Variants in MALRD1 observed in about 807,000 individuals in gnomAD.
MALRD1 encodes MAM and LDL-receptor class A domain-containing protein 1.
A neutral mutation model predicts 242.1 loss-of-function variants in MALRD1; 247 were observed. That is an observed-to-expected ratio of 1.02 (90% CI 0.92 to 1.13). MALRD1 has a LOEUF of 1.13. MALRD1 is among the 50% of genes most tolerant of loss of function. MALRD1 has a pLI of 0.00. For missense variants in MALRD1, 2,989 were observed against 2,533.1 expected, an observed-to-expected ratio of 1.18 and a Z score of -3.86; for synonymous variants, 995 against 866.6, an observed-to-expected ratio of 1.15 and a Z score of -2.60.
chr10:19,493,645 T>TAAA (rs758905906), intron 30 of MALRD1, among the ~76,000 whole-genome samples: 4 of 122,050 alleles, frequency 3.3e-5, no homozygotes, highest in Admixed American at 8.6e-5. Flanking sequence ...CCGTCTCTAC[T>TAAA]AAAAAAAAAA....
intron 10 of MALRD1, 55 bp downstream of exon 10, chr10:19,136,836 G>A (rs993927543): frequency 8.7e-7 from 1 of 1,146,384 alleles, no homozygotes; most frequent in African/African-American, 1.6e-5. Context: ...ACTGTTAGTT[G>A]GATTTAAAAC....
At chr10:19,237,713 T>G (rs1469588056) in intron 18 of MALRD1, among the ~76,000 whole-genome samples, 2 of 114,472 alleles carry the variant, frequency 1.7e-5, no homozygotes, top group East Asian at 4.5e-4. Flanking sequence ...TATATATATA[T>G]TTATATATAA....
chr10:19,328,677 G>C (rs1441778133), intron 23 of MALRD1, among the ~76,000 whole-genome samples: 1 of 152,030 alleles, frequency 6.6e-6, no homozygotes, highest in Non-Finnish European at 1.5e-5. Flanking sequence ...CCAATTTCTT[G>C]GAATGATAGG....
chr10:19,211,319 T>TA (rs934380399), intron 18 of MALRD1, among the ~76,000 whole-genome samples: 1 of 151,850 alleles, frequency 6.6e-6, no homozygotes, highest in Non-Finnish European at 1.5e-5. Context: ...CCTTTTAGTC[T>TA]AAAAAAATAA....
chr10:19,666,965 C>G (rs1170668022), intron 36 of MALRD1, among the ~76,000 whole-genome samples: 3 of 152,132 alleles, frequency 2.0e-5, no homozygotes, highest in African/African-American at 4.8e-5. Context: ...ATTCACTTTA[C>G]AGACACCCTA....
chr10:19,670,448 T>C (rs1841866490), intron 36 of MALRD1, among the ~76,000 whole-genome samples: 1 of 152,196 alleles, frequency 6.6e-6, no homozygotes, highest in African/African-American at 2.4e-5. Context: ...GGTCTTGCTC[T>C]CTTTTTCAGA....
chr10:19,596,893 G>A (rs534809636), intron 34 of MALRD1, among the ~76,000 whole-genome samples: 3 of 151,456 alleles, frequency 2.0e-5, no homozygotes, highest in Non-Finnish European at 2.9e-5. Flanking sequence ...AGGAAGGAAG[G>A]AAAGATGGAA....
chr10:19,236,567 T>C (rs528201437), intron 18 of MALRD1, among the ~76,000 whole-genome samples: 5 of 152,148 alleles, frequency 3.3e-5, no homozygotes, highest in Non-Finnish European at 7.4e-5. Context: ...TGCCTCTCAC[T>C]CTTACTTCCT....
intron 12 of MALRD1, among the ~76,000 whole-genome samples, chr10:19,161,814 G>A (rs1437063385): frequency 1.3e-5 from 2 of 152,060 alleles, no homozygotes; most frequent in Non-Finnish European, 2.9e-5. Context: ...TGGATCACGA[G>A]GTCAGGAGAT....
At position 19,330,092 on chromosome 10, in the gene MALRD1, CTTA is replaced by C. The variant is rs544729542; in HGVS notation, c.3688-1272_3688-1270del. On this transcript the variant is annotated intron_variant, in intron 23 of 39. Coordinates refer to ENST00000454679, the MANE Select transcript of MALRD1 (RefSeq NM_001142308.3). ...TTTCCCTTTTAAGAAAGTCATAGTC[CTTA>C]TTATACTTTCTGGTTTCATCTCTTT... Among the ~76,000 whole-genome samples the C allele has an allele frequency of 5.9e-5, 9 of 152,078 alleles. No homozygotes were observed. In the South Asian group the frequency reaches 1.7e-3, roughly 28 times the overall value.
chr10:19,077,705 C>CT (rs1159573963), intron 2 of MALRD1, among the ~76,000 whole-genome samples: 1 of 151,866 alleles, frequency 6.6e-6, no homozygotes, highest in African/African-American at 2.4e-5. Context: ...TGTAGAGTAA[C>CT]TGATGACCTG....
At chr10:19,087,508 A>G (rs1433679808) in intron 2 of MALRD1, among the ~76,000 whole-genome samples, 3 of 151,158 alleles carry the variant, frequency 2.0e-5, no homozygotes, top group African/African-American at 7.3e-5. Context: ...CCTTAAATTC[A>G]CCAGTGATCA....
intron 22 of MALRD1, among the ~76,000 whole-genome samples, chr10:19,325,790 A>G (rs1173345717): frequency 6.6e-6 from 1 of 152,072 alleles, no homozygotes; most frequent in African/African-American, 2.4e-5. Context: ...TCTCTAGCAT[A>G]TTTGCAACAA....
chr10:19,593,405 A>AGAGGGACT (rs1837920046), intron 33 of MALRD1, among the ~76,000 whole-genome samples: 1 of 152,172 alleles, frequency 6.6e-6, no homozygotes, highest in African/African-American at 2.4e-5. Context: ...GTGAGGAGGG[A>AGAGGGACT]GAGGGACTTT....
intron 18 of MALRD1, among the ~76,000 whole-genome samples, chr10:19,235,494 C>A (rs997415122): frequency 1.3e-5 from 2 of 148,624 alleles, no homozygotes; most frequent in African/African-American, 2.5e-5. Context: ...GATTTAAGTT[C>A]CCTGTAGATT....
intron 14 of MALRD1, among the ~76,000 whole-genome samples, chr10:19,199,014 C>T (rs1424454650): frequency 1.3e-5 from 2 of 152,076 alleles, no homozygotes; most frequent in Non-Finnish European, 2.9e-5. Context: ...AGAACCTGTT[C>T]CAAAATAGAG....
intron 20 of MALRD1, among the ~76,000 whole-genome samples, chr10:19,281,354 AACCT>A (rs1217543079): frequency 2.0e-5 from 3 of 152,152 alleles, no homozygotes; most frequent in African/African-American, 7.2e-5. Flanking sequence ...GTTTATACAA[AACCT>A]AATTAATTAC....
At chr10:19,665,028 A>G (rs1332963643) in intron 36 of MALRD1, among the ~76,000 whole-genome samples, 1 of 152,172 alleles carries the variant, frequency 6.6e-6, no homozygotes, top group Non-Finnish European at 1.5e-5. Flanking sequence ...AGAAGAAAAT[A>G]ACTTTGTCCT....
intron 33 of MALRD1, among the ~76,000 whole-genome samples, chr10:19,590,855 A>T (rs1375433642): frequency 6.6e-6 from 1 of 152,068 alleles, no homozygotes; most frequent in Non-Finnish European, 1.5e-5. Flanking sequence ...AGAGTGGAAC[A>T]TTTGTTACAA....
Sources: allele counts gnomAD v4.1 joint callset (sites outside exome capture counted in the v4.1 genomes callset), GRCh38; gene constraint gnomAD v4.1.1; transcripts MANE v1.5; gene names NCBI Gene and HGNC (gene_info 2026-07-23, HGNC 2026-07-21).